NBEA: variants seen among roughly 807,000 people sequenced by gnomAD.
NBEA encodes neurobeachin.
In NBEA, 44 loss-of-function variants were observed where a neutral mutation model predicts 343.4. The observed-to-expected ratio is 0.13, with a 90% CI of 0.10 to 0.16. The LOEUF is 0.16. Among genes scored for constraint, NBEA ranks in the 10% least tolerant of loss-of-function variants. The pLI is 1.00. For missense variants in NBEA, 2,555 were observed against 3,631.3 expected, an observed-to-expected ratio of 0.70 and a Z score of 7.62; for synonymous variants, 1,175 against 1,238.7, an observed-to-expected ratio of 0.95 and a Z score of 1.08.
chr13:35,314,455 T>C (rs762569113), intron 36 of NBEA, among the ~76,000 whole-genome samples: 1 of 152,148 alleles, frequency 6.6e-6, no homozygotes, highest in Non-Finnish European at 1.5e-5. Context: ...AACCCCTTCC[T>C]ACCCCTAATC....
chr13:35,613,797 T>A (rs2082622713), intron 48 of NBEA, among the ~76,000 whole-genome samples: 1 of 151,896 alleles, frequency 6.6e-6, no homozygotes, highest in African/African-American at 2.4e-5. Flanking sequence ...ATTTTTAAAT[T>A]TGTTATAGAG....
chr13:35,470,334 A>C (rs1283572410), intron 40 of NBEA, among the ~76,000 whole-genome samples: 1 of 152,026 alleles, frequency 6.6e-6, no homozygotes, highest in Non-Finnish European at 1.5e-5. Context: ...TTTGTAATGT[A>C]TTTCAATAAA....
intron 53 of NBEA, among the ~76,000 whole-genome samples, chr13:35,652,688 C>T (rs1434191035): frequency 4.4e-4 from 30 of 67,578 alleles, no homozygotes; most frequent in South Asian, 1.3e-3. Flanking sequence ...TTCTGGCAGT[C>T]TTTTTTTTTT....
chr13:35,149,333 A>G (rs2068629815), intron 18 of NBEA, among the ~76,000 whole-genome samples: 1 of 152,156 alleles, frequency 6.6e-6, no homozygotes, highest in Non-Finnish European at 1.5e-5. Context: ...TATGACAAAC[A>G]TGGTAAATTC....
chr13:35,666,184 G>A (rs1021303086), intron 56 of NBEA, among the ~76,000 whole-genome samples: 2 of 152,020 alleles, frequency 1.3e-5, no homozygotes, highest in Non-Finnish European at 1.5e-5. Context: ...AGTATAGTAG[G>A]AAACTATTGA....
chr13:35,603,349 G>A (rs979133084), intron 47 of NBEA, among the ~76,000 whole-genome samples: 29 of 152,112 alleles, frequency 1.9e-4, no homozygotes, highest in South Asian at 8.3e-4. Context: ...AAAACTTTGC[G>A]TTTGCCCAGA....
At chr13:35,597,361 A>C (rs895318715) in intron 47 of NBEA, among the ~76,000 whole-genome samples, 1 of 152,162 alleles carries the variant, frequency 6.6e-6, no homozygotes, top group Non-Finnish European at 1.5e-5. Context: ...TTTTTCATTT[A>C]GGAAATTTTA....
chr13:35,476,300 CTG>C (rs1173225453), intron 41 of NBEA: 3 of 373,004 alleles, frequency 8.0e-6, no homozygotes, highest in East Asian at 1.5e-4. Flanking sequence ...GGTTTCCCTG[CTG>C]CTGCTGCTGC....
At chr13:34,973,927 C>G (rs2060081796) in intron 1 of NBEA, among the ~76,000 whole-genome samples, 1 of 152,184 alleles carries the variant, frequency 6.6e-6, no homozygotes, top group South Asian at 2.1e-4. Context: ...ACTCCTGGGC[C>G]CCTCTGCATG....
chr13:35,344,602 GA>G (rs2039769266), intron 36 of NBEA, among the ~76,000 whole-genome samples: 1 of 151,794 alleles, frequency 6.6e-6, no homozygotes, highest in Admixed American at 6.6e-5. Flanking sequence ...AAACTAATTA[GA>G]AAAGAAAATG....
At chr13:35,114,073 C>T (rs545967567) in intron 13 of NBEA, among the ~76,000 whole-genome samples, 26 of 152,266 alleles carry the variant, frequency 1.7e-4, no homozygotes, top group Non-Finnish European at 3.1e-4. Context: ...CCAGGAAGCC[C>T]TGGTTTGTTT....
At chr13:35,646,614 C>G (rs1473796744) in intron 51 of NBEA, among the ~76,000 whole-genome samples, 6 of 152,140 alleles carry the variant, frequency 3.9e-5, no homozygotes, top group Non-Finnish European at 1.5e-5. Context: ...CTCATTCATG[C>G]ACACACAGGC....
chr13:35,602,576 T>C (rs1477098063), intron 47 of NBEA, among the ~76,000 whole-genome samples: 2 of 152,216 alleles, frequency 1.3e-5, no homozygotes, highest in African/African-American at 4.8e-5. Context: ...TGTTTAGTGA[T>C]TGTTTCCATT....
chr13:35,038,593 A>G (rs761334103), intron 1 of NBEA, among the ~76,000 whole-genome samples: 17 of 152,140 alleles, frequency 1.1e-4, no homozygotes, highest in Non-Finnish European at 1.8e-4. Flanking sequence ...AATGCTGCCT[A>G]GACTGGGTCC....
intron 25 of NBEA, among the ~76,000 whole-genome samples, chr13:35,169,742 T>G (rs927575085): frequency 9.9e-5 from 15 of 151,778 alleles, no homozygotes; most frequent in African/African-American, 3.6e-4. Flanking sequence ...TAGAACATTT[T>G]AAATTGAAAA....
chr13:35,164,004 TTTTATA>T (rs2069789731), intron 23 of NBEA, among the ~76,000 whole-genome samples: 1 of 152,146 alleles, frequency 6.6e-6, no homozygotes, highest in Non-Finnish European at 1.5e-5. Flanking sequence ...TAGACATACT[TTTTATA>T]TTTAAAAGGT....
chr13:35,010,387 G>A (rs2061441589), intron 1 of NBEA, among the ~76,000 whole-genome samples: 1 of 151,828 alleles, frequency 6.6e-6, no homozygotes, highest in Non-Finnish European at 1.5e-5. Flanking sequence ...AGACCAGCCT[G>A]GGTAACATAG....
chr13:35,652,194 A>C (rs927588653), intron 53 of NBEA, among the ~76,000 whole-genome samples: 7 of 152,138 alleles, frequency 4.6e-5, no homozygotes, highest in Non-Finnish European at 7.4e-5. Flanking sequence ...GGATTCAAAA[A>C]GATTACTAAA....
chr13:35,602,536 G>A (rs2082101013), intron 47 of NBEA, among the ~76,000 whole-genome samples: 1 of 152,208 alleles, frequency 6.6e-6, no homozygotes, highest in Non-Finnish European at 1.5e-5. Context: ...TGCTTCAGAA[G>A]TTTCTTTCTA....
Sources: gnomAD v4.1 joint callset for allele counts (sites outside exome capture counted in the v4.1 genomes callset) on GRCh38, gnomAD v4.1.1 for gene constraint, MANE v1.5 for transcripts, NCBI Gene and HGNC (gene_info 2026-07-23, HGNC 2026-07-21) for gene names.